Variants in ALDH5A1 observed in about 807,000 individuals in gnomAD.
The protein encoded by ALDH5A1 is aldehyde dehydrogenase 5 family member A1.
In ALDH5A1, 33 loss-of-function variants were observed where a neutral mutation model predicts 54.7. The observed-to-expected ratio is 0.60, with a 90% CI of 0.46 to 0.81. The LOEUF (loss-of-function observed/expected upper bound fraction) is 0.81. Among genes scored for constraint, ALDH5A1 ranks in the 30% least tolerant of loss-of-function variants. The probability of loss-of-function intolerance (pLI) is 0.00; values close to 1 mark genes in which losing one functional copy is unlikely to be tolerated. For missense variants in ALDH5A1, 657 were observed against 711.0 expected (o/e 0.92, Z 0.86); for synonymous variants, 294 against 292.7 (o/e 1.00, Z -0.05).
intron 4 of ALDH5A1, among the ~76,000 whole-genome samples, chr6:24,506,842 T>TTAGTA (rs60448835): frequency 0.89 from 135,968 of 152,022 alleles, 61,502 homozygotes; most frequent in African/African-American, 0.96. Flanking sequence ...GCAGCTTACA[T>TTAGTA]TAGTATATTT....
rs575487676 is a variant in ALDH5A1, at chr6:24,536,357, T to A, written c.*2645T>A. On this transcript the variant is annotated 3_prime_UTR_variant, in exon 10 of 10. Coordinates refer to ENST00000357578, the MANE Select transcript of ALDH5A1 (RefSeq NM_001080.3). Reference sequence around the variant, plus strand: ...CCTGAAAATTCTATGAAATTCAGATTTCAGTGTCCATAAACAAAATGTTAT... The same window carrying A: ...CCTGAAAATTCTATGAAATTCAGATATCAGTGTCCATAAACAAAATGTTAT... 1 of 152,328 alleles carries A rather than the reference T, an allele frequency of 6.6e-6. No homozygotes were observed. The highest frequency in any genetic ancestry group is 1.9e-4 in the East Asian group (1 of 5,192). 9.4% of individuals were successfully genotyped at this position (152,328 alleles called of 1,614,324 possible).
chr6:24,512,558 C>A (rs1046720343), intron 4 of ALDH5A1, among the ~76,000 whole-genome samples: 9 of 152,172 alleles, frequency 5.9e-5, no homozygotes, highest in African/African-American at 2.2e-4. Flanking sequence ...ACCTCATTTC[C>A]AAAGTTTTCT....
Position 24,520,471 on chromosome 6 carries a change from T to C in ALDH5A1, c.941T>C (p.Ile314Thr). The C allele has an allele frequency of 6.2e-7, 1 of 1,614,216 alleles. No individual in the cohort carries two copies. The highest frequency in any genetic ancestry group is 8.5e-7 in the Non-Finnish European group (1 of 1,180,048). Residue 314 changes from isoleucine to threonine, a missense_variant, in exon 6 of 10, where the codon ATA (isoleucine) becomes ACA (threonine). Ile to Thr is a moderately conservative substitution (Grantham distance 89). Transcript: ENST00000357578. ...GAGCTGGGCGGCCTTGCTCCATTTA[T>C]AGTATTTGACAGTGCCAACGTGGAC... is the stretch of plus-strand genomic sequence containing the variant. ...SMELGGLAPF[I>T]VFDSANVDQA...
chr6:24,529,952 G>A (rs1392588098), intron 8 of ALDH5A1, among the ~76,000 whole-genome samples: 4 of 152,168 alleles, frequency 2.6e-5, no homozygotes, highest in East Asian at 1.9e-4. Flanking sequence ...GATTACAGGC[G>A]TGAGCCACCA....
intron 8 of ALDH5A1, among the ~76,000 whole-genome samples, chr6:24,530,795 A>G (rs1301604072): frequency 6.6e-6 from 1 of 152,232 alleles, no homozygotes; most frequent in African/African-American, 2.4e-5. Context: ...CACTGCCCCA[A>G]GCCAGCCCTG....
Position 24,495,136 on chromosome 6 carries a change from A to C in ALDH5A1, c.140A>C (p.Tyr47Ser), listed in dbSNP as rs1439202440. The part of the protein sequence containing the change: ...PAPGPAQLRC[Y>S]AGRLAGLSAA... ...CCCGGCCCGGCCCAGCTCCGCTGCTACGCTGGGCGCCTGGCGGGCCTCTCT... is the reference window on the plus strand; with the variant it reads ...CCCGGCCCGGCCCAGCTCCGCTGCTCCGCTGGGCGCCTGGCGGGCCTCTCT... Residue 47 changes from tyrosine (Y) to serine (S), a missense_variant, in exon 1 of 10, where the codon TAC becomes TCC. Coordinates refer to ENST00000357578, the MANE Select transcript of ALDH5A1 (RefSeq NM_001080.3). 2.8e-6 allele frequency: 4 copies of C among 1,409,082 alleles called. No homozygotes were observed. Among genetic ancestry groups the C allele is most frequent in the African/African-American group, 1.5e-5 (1 of 66,148 alleles). The allele number at this position is 1,409,082 out of a possible 1,614,324, so 87.3% of individuals were successfully genotyped here. A position where few individuals can be genotyped will look rare whatever the true frequency, so the allele number is the denominator to read the frequency against.
In ALDH5A1 at chr6:24,520,389, C is replaced by T. The variant is rs748015396; in HGVS notation, c.871-12C>T. The T allele has an allele frequency of 6.2e-7, 1 of 1,613,812 alleles. No homozygotes were observed. Among genetic ancestry groups the T allele is most frequent in the Non-Finnish European group, 8.5e-7 (1 of 1,179,998 alleles). ...ATTTCTGTGCTCACAGCTTTCTCTC[C>T]TCTGCTCACAGATCCTGTTGCACCA... On this transcript the variant is annotated splice_polypyrimidine_tract_variant and intron_variant, in intron 5 of 9. Transcript: ENST00000357578.
In ALDH5A1 at chr6:24,497,223, C is replaced by G. The variant is rs190055232; in HGVS notation, c.354+1873C>G. Reference sequence around the variant, plus strand: ...GGCGTGGTGGCCAGCTTTTTATTCCCTTATTTATCCCTTCCAGTGTTCCGT... The same window carrying G: ...GGCGTGGTGGCCAGCTTTTTATTCCGTTATTTATCCCTTCCAGTGTTCCGT... On this transcript the variant is annotated intron_variant, in intron 1 of 9. Coordinates refer to ENST00000357578, the MANE Select transcript of ALDH5A1 (RefSeq NM_001080.3). 3.3e-3 allele frequency among the ~76,000 whole-genome samples: 510 copies of G among 152,270 alleles called. 3 individuals are homozygous for G. The highest frequency in any genetic ancestry group is 0.011 in the African/African-American group (465 of 41,552).
chr6:24,497,346 CATTTTACAGAGCGTTGATTGGTGT>C (rs1422118330), intron 1 of ALDH5A1, among the ~76,000 whole-genome samples: 2 of 145,696 alleles, frequency 1.4e-5, no homozygotes, highest in African/African-American at 2.8e-5. Context: ...CTGATTGGTG[CATTTTACAGAGCGTTGATTGGTGT>C]ATTTTACAAT....
At chr6:24,502,678 G>A (rs566135916) in intron 2 of ALDH5A1, 72 bp downstream of exon 2, 49 of 1,160,552 alleles carry the variant, frequency 4.2e-5, no homozygotes, top group Middle Eastern at 1.9e-4. Context: ...TGGGAAAGCC[G>A]CTGACTTCCC....
At chr6:24,508,062 A>T (rs903286932) in intron 4 of ALDH5A1, among the ~76,000 whole-genome samples, 1 of 151,986 alleles carries the variant, frequency 6.6e-6, no homozygotes, top group South Asian at 2.1e-4. Context: ...TGAGTTACTT[A>T]ACTTAGAATA....
In ALDH5A1 at chr6:24,495,276, G is replaced by T. The variant is rs1764672993; in HGVS notation, c.280G>T (p.Gly94Trp). The T allele has an allele frequency of 6.5e-7, 1 of 1,532,574 alleles. No homozygotes were observed. Among genetic ancestry groups the T allele is most frequent in the Admixed American group, 2.0e-5 (1 of 50,940 alleles). 94.9% of individuals were successfully genotyped at this position (1,532,574 alleles called of 1,614,324 possible). Residue 94 changes from glycine to tryptophan, a missense_variant, in exon 1 of 10, where the codon GGG becomes TGG. Physicochemically the swap from Gly to Trp is radical, Grantham distance 184 (BLOSUM62 -2). Coordinates refer to ENST00000357578, the MANE Select transcript of ALDH5A1 (RefSeq NM_001080.3). ...GAALGMVADC[G>W]VREARAAVRA... is the part of the protein sequence containing the mutation. ...CGCTCTGGGCATGGTAGCCGACTGC[G>T]GGGTGCGAGAGGCCCGCGCCGCCGT... is the stretch of plus-strand genomic sequence containing the variant.
rs141430899 is a variant in ALDH5A1, at chr6:24,515,175, C to G, written c.735C>G (p.Ser245Arg). 38 of 1,604,464 alleles carry G rather than the reference C, an allele frequency of 2.4e-5. No individual in the cohort carries two copies. The African/African-American group carries it at 4.7e-4, about 20-fold the overall frequency. Residue 245 changes from serine to arginine, a missense_variant, in exon 5 of 10, where the codon AGC becomes AGG. Transcript: ENST00000357578. ...GCTGTTTCTCTTTATAGCTTGCAAG[C>G]CAGGCTGGGATTCCTTCAGGTGTAT... is the stretch of plus-strand genomic sequence containing the variant. ...FSALALAELA[S>R]QAGIPSGVYN...
Position 24,504,886 on chromosome 6 carries a change from C to A in ALDH5A1, c.627C>A (p.Ala209=). The part of the protein sequence containing the change: ...AVITPWNFPS[A]MITRKVGAAL... ...AACCCCAGTGGAATTTCCCCAGTGCCATGATCACCCGGAAGGTGGGGGCCG... is the reference window on the plus strand; with the variant it reads ...AACCCCAGTGGAATTTCCCCAGTGCAATGATCACCCGGAAGGTGGGGGCCG... The change falls in exon 4 of 10, where the codon GCC becomes GCA. Residue 209 remains alanine, a synonymous_variant. Transcript: ENST00000357578. 6.2e-7 allele frequency: 1 copy of A among 1,614,212 alleles called. No homozygotes were observed. The highest frequency in any genetic ancestry group is 8.5e-7 in the Non-Finnish European group (1 of 1,180,030).
chr6:24,522,492 T>TGG, intron 6 of ALDH5A1: 1 of 367,770 alleles, frequency 2.7e-6, no homozygotes, highest in Non-Finnish European at 5.2e-6. Flanking sequence ...TGTGTGTGTG[T>TGG]GTGTGTGTGT....
At position 24,522,858 on chromosome 6, in the gene ALDH5A1, G is replaced by C; in HGVS notation, c.1106G>C (p.Arg369Pro). Residue 369 changes from arginine (R) to proline (P), a missense_variant, in exon 7 of 10, where the codon CGC (arginine) becomes CCC (proline). Transcript: ENST00000357578. ...GCCGAGGCCATGAAGAAGAACCTGC[G>C]CGTAGGTAATGGATTTGAGGAAGGA... Reference protein sequence around the residue: ...AFAEAMKKNLRVGNGFEEGTT... With the variant: ...AFAEAMKKNLPVGNGFEEGTT... 6.2e-7 allele frequency: 1 copy of C among 1,614,084 alleles called. No homozygotes were observed. Among genetic ancestry groups the C allele is most frequent in the Non-Finnish European group, 8.5e-7 (1 of 1,180,016 alleles).
intron 1 of ALDH5A1, among the ~76,000 whole-genome samples, chr6:24,500,728 T>A (rs1764803918): frequency 6.6e-6 from 1 of 151,612 alleles, no homozygotes; most frequent in Non-Finnish European, 1.5e-5. Flanking sequence ...AAGTTGTTCT[T>A]ATTTACCATA....
intron 7 of ALDH5A1, among the ~76,000 whole-genome samples, chr6:24,526,903 A>AT (rs1491310996): frequency 0.017 from 1,052 of 62,282 alleles, 24 homozygotes; most frequent in African/African-American, 0.04. Context: ...ATATATATCT[A>AT]CTATATATAT....
At chr6:24,523,779 C>T (rs949736922) in intron 7 of ALDH5A1, among the ~76,000 whole-genome samples, 5 of 152,090 alleles carry the variant, frequency 3.3e-5, no homozygotes, top group East Asian at 1.9e-4. Context: ...GTATCCCAGC[C>T]GGGGGTGCAG....
Sources: gnomAD v4.1 joint callset for allele counts (sites outside exome capture counted in the v4.1 genomes callset) on GRCh38, gnomAD v4.1.1 for gene constraint, MANE v1.5 for transcripts, NCBI Gene and HGNC (gene_info 2026-07-23, HGNC 2026-07-21) for gene names.